The following ANO6 variants were observed in gnomAD, a reference collection of about 807,000 sequenced individuals.
ANO6 encodes anoctamin 6, also known as anoctamin-6.
Under a neutral mutation model 117.5 loss-of-function variants are expected in ANO6, and 106 were observed. The ratio of observed to expected loss-of-function variants is 0.90; its 90% CI spans 0.77 to 1.06. The LOEUF (loss-of-function observed/expected upper bound fraction) is 1.06, where lower values mean the gene tolerates loss of function less well. Ranked by LOEUF, ANO6 falls within the 50% of genes least tolerant of loss-of-function variation. The pLI is 0.00. For synonymous variants in ANO6, 367 were observed against 385.1 expected, an observed-to-expected ratio of 0.95 and a Z score of 0.55; for missense variants, 955 against 1,121.1, an observed-to-expected ratio of 0.85 and a Z score of 2.12.
intron 7 of ANO6, among the ~76,000 whole-genome samples, chr12:45,352,129 A>G (rs1941294798): frequency 6.6e-6 from 1 of 152,084 alleles, no homozygotes; most frequent in African/African-American, 2.4e-5. Flanking sequence ...CTTGCCACCT[A>G]CTTGAGAAAA....
At chr12:45,381,756 G>A (rs374853972) in intron 10 of ANO6, among the ~76,000 whole-genome samples, 3 of 152,084 alleles carry the variant, frequency 2.0e-5, no homozygotes, top group African/African-American at 2.4e-5. Flanking sequence ...TCAGAATTTC[G>A]TAAACAGAAG....
chr12:45,267,954 A>C (rs1355718764), intron 1 of ANO6, among the ~76,000 whole-genome samples: 4 of 152,162 alleles, frequency 2.6e-5, no homozygotes, highest in Non-Finnish European at 5.9e-5. Flanking sequence ...ATAAAAGAAA[A>C]ATAACTCTCT....
At chr12:45,266,942 A>G (rs997600575) in intron 1 of ANO6, among the ~76,000 whole-genome samples, 3 of 152,038 alleles carry the variant, frequency 2.0e-5, no homozygotes, top group African/African-American at 7.2e-5. Flanking sequence ...CAGGGTGAAC[A>G]TGATTTAGTC....
intron 17 of ANO6, among the ~76,000 whole-genome samples, chr12:45,419,204 C>T (rs748453796): frequency 1.3e-5 from 2 of 152,140 alleles, no homozygotes; most frequent in African/African-American, 4.8e-5. Context: ...GTGTGCAGAA[C>T]AGCATGGGAA....
chr12:45,302,807 G>GTA (rs1246990219), intron 2 of ANO6, among the ~76,000 whole-genome samples: 4 of 152,148 alleles, frequency 2.6e-5, no homozygotes, highest in Non-Finnish European at 5.9e-5. Flanking sequence ...TGTGACTCAT[G>GTA]TACCATATTA....
At chr12:45,234,336 C>CAG (rs1487195753) in intron 1 of ANO6, among the ~76,000 whole-genome samples, 1 of 151,968 alleles carries the variant, frequency 6.6e-6, no homozygotes, top group African/African-American at 2.4e-5. Context: ...TGTTTGCAGA[C>CAG]TCTCCCTATG....
intron 9 of ANO6, among the ~76,000 whole-genome samples, chr12:45,375,212 A>G (rs1941972015): frequency 6.6e-6 from 1 of 152,204 alleles, no homozygotes; most frequent in Non-Finnish European, 1.5e-5. Flanking sequence ...AGAGGATACA[A>G]ACAAATGGAA....
intron 1 of ANO6, among the ~76,000 whole-genome samples, chr12:45,275,236 A>C (rs762797022): frequency 3.8e-4 from 57 of 151,956 alleles, no homozygotes; most frequent in Non-Finnish European, 7.4e-4. Flanking sequence ...TTTGAGATGG[A>C]ATCTTGCTCT....
chr12:45,397,841 G>A (rs1323613905), intron 12 of ANO6, among the ~76,000 whole-genome samples: 1 of 152,152 alleles, frequency 6.6e-6, no homozygotes, highest in Non-Finnish European at 1.5e-5. Flanking sequence ...TGGGCGGTGG[G>A]GGGCTAGGGG....
chr12:45,244,406 G>T (rs548530824), intron 1 of ANO6, among the ~76,000 whole-genome samples: 234 of 144,828 alleles, frequency 1.6e-3, no homozygotes, highest in Non-Finnish European at 2.2e-3. Flanking sequence ...CTCTATTTGG[G>T]GGGGGGGGGT....
intron 1 of ANO6, among the ~76,000 whole-genome samples, chr12:45,225,956 T>G (rs1173434073): frequency 1.3e-5 from 2 of 152,228 alleles, no homozygotes; most frequent in African/African-American, 4.8e-5. Context: ...AGATACAGAT[T>G]GAAGGAATTT....
At chr12:45,289,861 C>A (rs1373399823) in intron 1 of ANO6, among the ~76,000 whole-genome samples, 1 of 152,162 alleles carries the variant, frequency 6.6e-6, no homozygotes, top group Non-Finnish European at 1.5e-5. Flanking sequence ...TTTGTGTAAT[C>A]TGTTATTGGG....
intron 19 of ANO6, among the ~76,000 whole-genome samples, chr12:45,438,657 T>G (rs1467255287): frequency 6.6e-6 from 1 of 152,152 alleles, no homozygotes; most frequent in Non-Finnish European, 1.5e-5. Context: ...TATATGTAAA[T>G]ATTTCAAAAT....
At chr12:45,326,694 C>T (rs1386533763) in intron 2 of ANO6, among the ~76,000 whole-genome samples, 1 of 152,100 alleles carries the variant, frequency 6.6e-6, no homozygotes, top group Non-Finnish European at 1.5e-5. Context: ...TACATCATTT[C>T]CTATTTTGTT....
chr12:45,439,261 C>T (rs760956587), intron 19 of ANO6, among the ~76,000 whole-genome samples: 3 of 152,156 alleles, frequency 2.0e-5, no homozygotes, highest in East Asian at 3.8e-4. Flanking sequence ...CTGATGCCAG[C>T]GCTTAATCAC....
At chr12:45,296,486 G>A (rs947711537) in intron 1 of ANO6, among the ~76,000 whole-genome samples, 1 of 152,088 alleles carries the variant, frequency 6.6e-6, no homozygotes, top group African/African-American at 2.4e-5. Context: ...AGTTCTAATT[G>A]CGAATGCTAT....
chr12:45,296,039 T>G (rs962847056), intron 1 of ANO6, among the ~76,000 whole-genome samples: 3 of 151,892 alleles, frequency 2.0e-5, no homozygotes, highest in African/African-American at 4.8e-5. Flanking sequence ...TTTTGTATTT[T>G]TAGTAGAGAT....
At chr12:45,286,568 C>T (rs1410221643) in intron 1 of ANO6, among the ~76,000 whole-genome samples, 1 of 152,150 alleles carries the variant, frequency 6.6e-6, no homozygotes, top group Non-Finnish European at 1.5e-5. Flanking sequence ...TATGGTTTTC[C>T]TTATCTTCAG....
At chr12:45,369,920 A>AG (rs1338693625) in intron 9 of ANO6, among the ~76,000 whole-genome samples, 1 of 152,262 alleles carries the variant, frequency 6.6e-6, no homozygotes, top group Non-Finnish European at 1.5e-5. Flanking sequence ...GCTCATAAAA[A>AG]CATATTTAGT....
Sources: gnomAD v4.1 joint callset for allele counts (sites outside exome capture counted in the v4.1 genomes callset) on GRCh38, gnomAD v4.1.1 for gene constraint, MANE v1.5 for transcripts, NCBI Gene and HGNC (gene_info 2026-07-23, HGNC 2026-07-21) for gene names.